CTNNA2: variants seen among roughly 807,000 people sequenced by gnomAD.
The protein encoded by CTNNA2 is catenin alpha-2.
In CTNNA2, 42 loss-of-function variants were observed where a neutral mutation model predicts 101.0. That is an observed-to-expected ratio of 0.42 (90% confidence interval 0.32 to 0.54). The LOEUF (loss-of-function observed/expected upper bound fraction) is 0.54. Among genes scored for constraint, CTNNA2 ranks in the 20% least tolerant of loss-of-function variants. The pLI, the probability that CTNNA2 is intolerant of heterozygous loss-of-function variation, is 0.14. For missense variants in CTNNA2, 871 were observed against 1,223.1 expected, an observed-to-expected ratio of 0.71 and a Z score of 4.29; for synonymous variants, 450 against 456.4, an observed-to-expected ratio of 0.99 and a Z score of 0.18.
intron 7 of CTNNA2, among the ~76,000 whole-genome samples, chr2:80,260,980 C>T (rs1307480654): frequency 6.6e-6 from 1 of 152,124 alleles, no homozygotes; most frequent in East Asian, 1.9e-4. Context: ...AGTCTCTGCC[C>T]TTATGGTGCT....
At chr2:80,011,343 T>C (rs967532682) in intron 7 of CTNNA2, among the ~76,000 whole-genome samples, 1 of 152,124 alleles carries the variant, frequency 6.6e-6, no homozygotes, top group Non-Finnish European at 1.5e-5. Context: ...TATATAGAAA[T>C]ATGACAGAAA....
intron 2 of CTNNA2, among the ~76,000 whole-genome samples, chr2:79,280,922 G>A (rs1290482520): frequency 6.6e-6 from 1 of 151,940 alleles, no homozygotes; most frequent in Admixed American, 6.6e-5. Context: ...AAGCCTGATG[G>A]GATCACTTTG....
chr2:79,343,302 A>G (rs1046291871), intron 3 of CTNNA2, among the ~76,000 whole-genome samples: 2 of 152,200 alleles, frequency 1.3e-5, no homozygotes, highest in African/African-American at 4.8e-5. Flanking sequence ...TTTAAAAAAA[A>G]TAGGATATTT....
chr2:80,138,636 A>C (rs1702826061), intron 7 of CTNNA2, among the ~76,000 whole-genome samples: 1 of 152,068 alleles, frequency 6.6e-6, no homozygotes, highest in Non-Finnish European at 1.5e-5. Flanking sequence ...TTAAGAACAC[A>C]GGTTGAGCAG....
intron 4 of CTNNA2, among the ~76,000 whole-genome samples, chr2:79,454,407 T>C (rs1178883749): frequency 6.6e-6 from 1 of 152,156 alleles, no homozygotes; most frequent in Non-Finnish European, 1.5e-5. Flanking sequence ...GCTTTCATAA[T>C]TCACTGATGC....
chr2:79,410,422 G>T lies in CTNNA2; in HGVS notation c.-135+36409G>T, dbSNP rs1678395965. Reference sequence around the variant, plus strand: ...CTTCCAGTTTTTGCCCATTCAGTATGATATTGGCTGTGGGTTTGTCATAGA... The same window carrying T: ...CTTCCAGTTTTTGCCCATTCAGTATTATATTGGCTGTGGGTTTGTCATAGA... On this transcript the variant is annotated intron_variant, in intron 4 of 21. Coordinates refer to the CTNNA2 transcript ENST00000466387. 5.3e-5 allele frequency among the ~76,000 whole-genome samples: 8 copies of T among 151,404 alleles called. No individual in the cohort carries two copies. In the South Asian group the frequency reaches 1.7e-3, roughly 32 times the overall value.
Position 79,202,601 on chromosome 2 carries a change from T to G in CTNNA2, c.-406+4525T>G, listed in dbSNP as rs193239184. 1.1e-4 allele frequency among the ~76,000 whole-genome samples: 17 copies of G among 152,316 alleles called. No individual in the cohort carries two copies. The East Asian group carries it at 3.3e-3, about 29-fold the overall frequency. On this transcript the variant is annotated intron_variant, in intron 2 of 21. Transcript: ENST00000466387. ...TCAGCTCCCTTGGTATCAACACATC[T>G]TCAATGCTTCTGTCACCATTTTCTT... is the stretch of plus-strand genomic sequence containing the variant.
At chr2:79,496,777 A>G (rs983346164) in intron 4 of CTNNA2, among the ~76,000 whole-genome samples, 62 of 152,048 alleles carry the variant, frequency 4.1e-4, no homozygotes, top group Admixed American at 1.3e-3. Flanking sequence ...AGATATAATT[A>G]TATTAAAATG....
chr2:79,268,915 A>G (rs187354646), intron 2 of CTNNA2, among the ~76,000 whole-genome samples: 2 of 152,166 alleles, frequency 1.3e-5, no homozygotes. Flanking sequence ...CAGATTGAAT[A>G]CAGTTATCCA....
chr2:80,586,900 G>T (rs1447959096), intron 14 of CTNNA2, among the ~76,000 whole-genome samples: 1 of 152,194 alleles, frequency 6.6e-6, no homozygotes, highest in Non-Finnish European at 1.5e-5. Flanking sequence ...ACGGGTTCAA[G>T]GATACCTTTA....
chr2:80,025,091 G>T (rs1484469), intron 7 of CTNNA2, among the ~76,000 whole-genome samples: 8,277 of 152,174 alleles, frequency 0.054, 649 homozygotes, highest in African/African-American at 0.17. Context: ...GCTTCTCTCC[G>T]ACATCCAGCT....
intron 6 of CTNNA2, among the ~76,000 whole-genome samples, chr2:79,899,807 T>C (rs1449197757): frequency 6.6e-6 from 1 of 152,222 alleles, no homozygotes; most frequent in Non-Finnish European, 1.5e-5. Flanking sequence ...TTAGAATTTT[T>C]CTGTAGCTTA....
chr2:80,213,709 T>A (rs946017759), intron 7 of CTNNA2, among the ~76,000 whole-genome samples: 11 of 152,140 alleles, frequency 7.2e-5, no homozygotes, highest in African/African-American at 2.7e-4. Context: ...GGGTGGAGAG[T>A]TCTATAGATG....
intron 3 of CTNNA2, among the ~76,000 whole-genome samples, chr2:79,350,470 CT>C (rs1331558053): frequency 1.3e-5 from 2 of 152,082 alleles, no homozygotes; most frequent in Non-Finnish European, 2.9e-5. Context: ...TGATTTTATT[CT>C]TTTTTATGGT....
intron 7 of CTNNA2, among the ~76,000 whole-genome samples, chr2:80,389,137 A>G (rs1489067323): frequency 2.0e-5 from 3 of 152,186 alleles, no homozygotes; most frequent in Admixed American, 2.0e-4. Flanking sequence ...AATAGTTTCT[A>G]TGTAGTTTCT....
At chr2:80,545,235 C>T (rs1573212321) in intron 10 of CTNNA2, among the ~76,000 whole-genome samples, 161 bp downstream of exon 10, 2 of 152,198 alleles carry the variant, frequency 1.3e-5, no homozygotes, top group East Asian at 3.9e-4. Context: ...ATAAACCATA[C>T]CAGTCTCTTC....
At chr2:80,606,430 A>G (rs1473863829) in intron 16 of CTNNA2, among the ~76,000 whole-genome samples, 2 of 150,850 alleles carry the variant, frequency 1.3e-5, no homozygotes, top group African/African-American at 4.9e-5. Context: ...GGATACATTT[A>G]TTTTGAGATT....
chr2:80,303,190 C>T lies in CTNNA2; in HGVS notation c.1057-90021C>T, dbSNP rs1192807796. 1 of 1,613,860 alleles carries T rather than the reference C, an allele frequency of 6.2e-7. No individual in the cohort carries two copies. Reference sequence around the variant, plus strand: ...TGTGCTCGAGGTGCAGCTCGGTGAGCTTAAACAAGCCGGCGAAAGAGTTGC... The same window carrying T: ...TGTGCTCGAGGTGCAGCTCGGTGAGTTTAAACAAGCCGGCGAAAGAGTTGC... On this transcript the variant is annotated intron_variant, in intron 7 of 18. Coordinates refer to ENST00000402739, the MANE Select transcript of CTNNA2 (RefSeq NM_001282597.3). The surrounding 1 kb of genome is among the most constrained non-coding windows in gnomAD (Gnocchi z 7.7).
At chr2:79,583,697 G>A (rs1007165290) in intron 1 of CTNNA2, among the ~76,000 whole-genome samples, 1 of 151,816 alleles carries the variant, frequency 6.6e-6, no homozygotes, top group Non-Finnish European at 1.5e-5. Context: ...TGTTATTTTC[G>A]GTAATTAAAA....
Sources: allele counts gnomAD v4.1 joint callset (sites outside exome capture counted in the v4.1 genomes callset), GRCh38; gene constraint gnomAD v4.1.1; non-coding constraint Gnocchi (gnomAD v3.1); transcripts MANE v1.5; gene names NCBI Gene and HGNC (gene_info 2026-07-23, HGNC 2026-07-21).